The following DACT1 variants were observed in gnomAD, a reference collection of about 807,000 sequenced individuals.
The protein encoded by DACT1 is dishevelled binding antagonist of beta catenin 1, also known as dapper homolog 1.
In DACT1, 19 loss-of-function variants were observed where a neutral mutation model predicts 35.3. That is an observed-to-expected ratio of 0.54 (90% CI 0.38 to 0.79). The LOEUF (loss-of-function observed/expected upper bound fraction) is 0.79. DACT1 is among the 30% of genes least tolerant of loss of function. DACT1 has a pLI of 0.00. For missense variants in DACT1, 1,143 were observed against 1,057.5 expected (o/e 1.08, Z -1.12); for synonymous variants, 545 against 466.7 (o/e 1.17, Z -2.16).
At chr14:58,636,447 A>G (rs897119119), upstream of DACT1, among the ~76,000 whole-genome samples, 10 of 152,200 alleles carry the variant, frequency 6.6e-5, 1 homozygote, top group Non-Finnish European at 1.5e-4. Context: ...AGCTTTCATA[A>G]TGTAGATGGA....
At position 58,647,282 on chromosome 14, in the gene DACT1, C is replaced by A; in HGVS notation, c.*148C>A. 1 of 913,468 alleles carries A rather than the reference C, an allele frequency of 1.1e-6. No homozygotes were observed. The highest frequency in any genetic ancestry group is 1.6e-6 in the Non-Finnish European group (1 of 607,354). The allele number at this position is 913,468 out of a possible 1,614,324, so 56.6% of individuals were successfully genotyped here. Reference sequence around the variant, plus strand: ...AAACCAAGGTAAATTATTGTTTCATCTTCACGTATGGATGCTAGTGCCTTT... The same window carrying A: ...AAACCAAGGTAAATTATTGTTTCATATTCACGTATGGATGCTAGTGCCTTT... On this transcript the variant is annotated 3_prime_UTR_variant, in exon 4 of 4. Coordinates refer to ENST00000395153, the MANE Select transcript of DACT1 (RefSeq NM_001079520.2).
rs2047590229 is a variant in DACT1, at chr14:58,638,108, G to T, written c.-95G>T. On this transcript the variant is annotated 5_prime_UTR_variant, in exon 1 of 4. Transcript: ENST00000395153. ...CCAGCGCCGCGCCCCGCCACAGGGCGGCATGAGCCCACCCGCGGCCGCAGC... is the reference window on the plus strand; with the variant it reads ...CCAGCGCCGCGCCCCGCCACAGGGCTGCATGAGCCCACCCGCGGCCGCAGC... The T allele has an allele frequency of 8.4e-7, 1 of 1,186,674 alleles. No homozygotes were observed. The highest frequency in any genetic ancestry group is 4.0e-5 in the South Asian group (1 of 25,154). 73.5% of individuals were successfully genotyped at this position (1,186,674 alleles called of 1,614,324 possible). A position where few individuals can be genotyped will look rare whatever the true frequency, so the allele number is the denominator to read the frequency against.
chr14:58,637,945 G>T (rs1045259305), upstream of DACT1: 39 of 210,302 alleles, frequency 1.9e-4, no homozygotes, highest in Admixed American at 2.1e-3. Flanking sequence ...CGCGCGTGAC[G>T]TAGCGCCGGG....
In DACT1 at chr14:58,641,734, C is replaced by T. The variant is rs144708680; in HGVS notation, c.621C>T (p.Cys207=). The part of the protein sequence containing the change: ...LEATLSLSDG[C]PKSADVNPKY... ...CGACCTTGAGTCTCTCAGATGGTTGCCCCAAATCTGCAGGTAAGAATTTTT... is the reference window on the plus strand; with the variant it reads ...CGACCTTGAGTCTCTCAGATGGTTGTCCCAAATCTGCAGGTAAGAATTTTT... The change falls in exon 3 of 4, where the codon TGC becomes TGT. Residue 207 remains cysteine, a synonymous_variant. Transcript: ENST00000395153. 224 of 1,613,138 alleles carry T rather than the reference C, an allele frequency of 1.4e-4. No homozygotes were observed. Among genetic ancestry groups the T allele is most frequent in the Non-Finnish European group, 1.8e-4 (208 of 1,179,868 alleles).
chr14:58,634,542 CTGGCT>C (rs2047561826), upstream of DACT1, among the ~76,000 whole-genome samples: 1 of 152,174 alleles, frequency 6.6e-6, no homozygotes. Context: ...GCTTTGATGT[CTGGCT>C]GGGGCTTTGA....
At position 58,647,887 on chromosome 14, in the gene DACT1, T is replaced by A. The variant is rs1399368878; in HGVS notation, c.*753T>A. 1 of 167,100 alleles carries A rather than the reference T, an allele frequency of 6.0e-6. No homozygotes were observed. The highest frequency in any genetic ancestry group is 1.5e-5 in the Non-Finnish European group (1 of 68,134). 10.4% of individuals were successfully genotyped at this position (167,100 alleles called of 1,614,324 possible). A position where few individuals can be genotyped will look rare whatever the true frequency, so the allele number is the denominator to read the frequency against. ...TCCAACCTTTCATTCCTTGGAGGAT[T>A]TAGTTTTGGGATAAAATTTTGGTCC... On this transcript the variant is annotated 3_prime_UTR_variant, in exon 4 of 4. Coordinates refer to ENST00000395153, the MANE Select transcript of DACT1 (RefSeq NM_001079520.2).
At position 58,645,731 on chromosome 14, in the gene DACT1, C is replaced by A; in HGVS notation, c.997C>A (p.Leu333Ile). 1 of 1,614,246 alleles carries A rather than the reference C, an allele frequency of 6.2e-7. No individual in the cohort carries two copies. Among genetic ancestry groups the A allele is most frequent in the Non-Finnish European group, 8.5e-7 (1 of 1,180,050 alleles). Residue 333 changes from leucine to isoleucine, a missense_variant, in exon 4 of 4, where the codon CTT becomes ATT. By Grantham distance (5) the Leu-to-Ile change is conservative. This residue lies in a region of DACT1 where 1,054 missense variants were observed against 958.8 expected (regional missense o/e 1.10). Transcript: ENST00000395153. ...TSVNADPTKG[L>I]LRNGSVCVRA... ...CGTGAACGCTGACCCCACGAAAGGG[C>A]TTCTGAGGAACGGGAGCGTTTGTGT... is the stretch of plus-strand genomic sequence containing the variant.
At position 58,645,416 on chromosome 14, in the gene DACT1, G is replaced by C. The variant is rs2047663768; in HGVS notation, c.682G>C (p.Asp228His). The change falls in exon 4 of 4, where the codon GAT becomes CAT. Residue 228 changes from aspartate (D) to histidine (H), a missense_variant. By Grantham distance (81) the Asp-to-His change is moderately conservative. This residue lies in a region of DACT1 where 1,054 missense variants were observed against 958.8 expected (regional missense o/e 1.10). Transcript: ENST00000395153. ...QCDLVSKNGNDVYRYPSPLHA... is the reference protein window; with the variant it reads ...QCDLVSKNGNHVYRYPSPLHA... ...TGATCTGGTGTCTAAAAACGGGAAT[G>C]ATGTATATCGCTATCCCAGTCCACT... is the stretch of plus-strand genomic sequence containing the variant. 2 of 1,614,218 alleles carry C rather than the reference G, an allele frequency of 1.2e-6. No homozygotes were observed. The highest frequency in any genetic ancestry group is 3.3e-5 in the Admixed American group (2 of 60,016).
intron 1 of DACT1, chr14:58,638,891 C>A: frequency 1.9e-6 from 2 of 1,039,688 alleles, no homozygotes; most frequent in Non-Finnish European, 2.3e-6. Context: ...TATGCCCTCT[C>A]CCCAGCGGTT....
At position 58,638,513 on chromosome 14, in the gene DACT1, TGGA is replaced by T. The variant is rs759360093; in HGVS notation, c.316_318del (p.Glu106del). The T allele has an allele frequency of 3.0e-6, 4 of 1,351,674 alleles. No individual in the cohort carries two copies. The highest frequency in any genetic ancestry group is 1.5e-5 in the African/African-American group (1 of 66,700). The allele number at this position is 1,351,674 out of a possible 1,614,324, so 83.7% of individuals were successfully genotyped here. ...CGCAGTCGCCTGGAGGAGAAGTTCT[TGGA>T]GGAGAACATCTTGCTGCTAAGAAAG... On this transcript the variant is annotated inframe_deletion, in exon 1 of 4. Transcript: ENST00000395153.
chr14:58,638,444 C>G lies in DACT1; in HGVS notation c.242C>G (p.Ala81Gly). The G allele has an allele frequency of 7.5e-7, 1 of 1,340,070 alleles. No individual in the cohort carries two copies. The allele number at this position is 1,340,070 out of a possible 1,614,324, so 83.0% of individuals were successfully genotyped here. A position where few individuals can be genotyped will look rare whatever the true frequency, so the allele number is the denominator to read the frequency against. Reference protein sequence around the residue: ...GALRGAGGAGAAAPRAGELLG... With the variant: ...GALRGAGGAGGAAPRAGELLG... ...CTGCGCGGCGCCGGGGGTGCGGGAG[C>G]CGCTGCGCCCCGCGCTGGGGAGCTA... The change falls in exon 1 of 4, where the codon GCC (alanine) becomes GGC (glycine). Residue 81 changes from alanine to glycine, a missense_variant. Transcript: ENST00000395153.
intron 3 of DACT1, 27 bp downstream of exon 3, chr14:58,641,774 T>A: frequency 6.2e-7 from 1 of 1,609,380 alleles, no homozygotes; most frequent in Non-Finnish European, 8.5e-7. Context: ...CTGATAGAAA[T>A]TTTTAATTGG....
Position 58,645,398 on chromosome 14 carries a change from G to C in DACT1, c.664G>C (p.Val222Leu). The C allele has an allele frequency of 6.2e-7, 1 of 1,614,208 alleles. No individual in the cohort carries two copies. Among genetic ancestry groups the C allele is most frequent in the Non-Finnish European group, 8.5e-7 (1 of 1,180,042 alleles). Residue 222 changes from valine (V) to leucine (L), a missense_variant, in exon 4 of 4, where the codon GTG becomes CTG. By Grantham distance (32) the Val-to-Leu change is conservative (BLOSUM62 1). Around this residue, in one of 3 missense-constraint regions of DACT1, gnomAD observed 1,054 missense variants for 958.8 expected, o/e 1.10. Transcript: ENST00000395153. The part of the protein sequence containing the change: ...DVNPKYQCDL[V>L]SKNGNDVYRY... Reference sequence around the variant, plus strand: ...GAATCCCAAGTACCAGTGTGATCTGGTGTCTAAAAACGGGAATGATGTATA... The same window carrying C: ...GAATCCCAAGTACCAGTGTGATCTGCTGTCTAAAAACGGGAATGATGTATA...
chr14:58,647,149 G>A lies in DACT1; in HGVS notation c.*15G>A. 6.3e-7 allele frequency: 1 copy of A among 1,596,640 alleles called. No individual in the cohort carries two copies. The highest frequency in any genetic ancestry group is 2.2e-5 in the East Asian group (1 of 44,792). ...CGACGGTTTGAGTGACATCATTGGT[G>A]TAGAAAGTTTGTGTGTTTTTTTTTC... On this transcript the variant is annotated 3_prime_UTR_variant, in exon 4 of 4. Coordinates refer to ENST00000395153, the MANE Select transcript of DACT1 (RefSeq NM_001079520.2).
Position 58,638,534 on chromosome 14 carries a change from T to G in DACT1, c.332T>G (p.Leu111Arg). 7.4e-7 allele frequency: 1 copy of G among 1,342,380 alleles called. No homozygotes were observed. Among genetic ancestry groups the G allele is most frequent in the Non-Finnish European group, 9.6e-7 (1 of 1,039,694 alleles). 83.2% of individuals were successfully genotyped at this position (1,342,380 alleles called of 1,614,324 possible). ...EKFLEENILL[L>R]RKQLNCLRRR... ...TTCTTGGAGGAGAACATCTTGCTGCTAAGAAAGCAATTGGTAGGTCGTGCC... is the reference window on the plus strand; with the variant it reads ...TTCTTGGAGGAGAACATCTTGCTGCGAAGAAAGCAATTGGTAGGTCGTGCC... Residue 111 changes from leucine to arginine, a missense_variant, in exon 1 of 4, where the codon CTA (leucine) becomes CGA (arginine). Leu to Arg is a moderately radical substitution (Grantham distance 102). Transcript: ENST00000395153.
chr14:58,635,544 C>G (rs2047567634), upstream of DACT1, among the ~76,000 whole-genome samples: 1 of 152,122 alleles, frequency 6.6e-6, no homozygotes, highest in Non-Finnish European at 1.5e-5. Flanking sequence ...TATTCGTGAC[C>G]ATTTTATTGG....
Position 58,640,829 on chromosome 14 carries a change from T to C in DACT1, c.439T>C (p.Ser147Pro). The C allele has an allele frequency of 6.2e-7, 1 of 1,614,156 alleles. No homozygotes were observed. The highest frequency in any genetic ancestry group is 8.5e-7 in the Non-Finnish European group (1 of 1,180,028). ...SDLRLDVEKTSEEHLETDSRP... is the reference protein window; with the variant it reads ...SDLRLDVEKTPEEHLETDSRP... ...CCTGAGACTGGATGTAGAAAAGACA[T>C]CTGAAGAGCACCTGGAGACAGACAG... The change falls in exon 2 of 4, where the codon TCT becomes CCT. Residue 147 changes from serine to proline, a missense_variant. Coordinates refer to ENST00000395153, the MANE Select transcript of DACT1 (RefSeq NM_001079520.2).
chr14:58,645,472 T>A lies in DACT1; in HGVS notation c.738T>A (p.Phe246Leu). 1 of 1,614,152 alleles carries A rather than the reference T, an allele frequency of 6.2e-7. No homozygotes were observed. The highest frequency in any genetic ancestry group is 8.5e-7 in the Non-Finnish European group (1 of 1,180,020). The change falls in exon 4 of 4, where the codon TTT (phenylalanine) becomes TTA (leucine). Residue 246 changes from phenylalanine (F) to leucine (L), a missense_variant. Phe to Leu is a conservative substitution (Grantham distance 22). Around this residue, in one of 3 missense-constraint regions of DACT1, gnomAD observed 1,054 missense variants for 958.8 expected, o/e 1.10. Coordinates refer to ENST00000395153, the MANE Select transcript of DACT1 (RefSeq NM_001079520.2). ...CTGTGGCTGTGCAGAGCCCAATGTT[T>A]CTCCTTTGTCTGACGGGCAACCCTC... ...LHAVAVQSPM[F>L]LLCLTGNPLR...
At chr14:58,637,961 C>T, upstream of DACT1, 1 of 241,260 alleles carries the variant, frequency 4.1e-6, no homozygotes, top group Non-Finnish European at 7.7e-6. Context: ...CCGGGCAGGG[C>T]GTTATCAGCT....
Sources: allele counts gnomAD v4.1 joint callset (sites outside exome capture counted in the v4.1 genomes callset), GRCh38; gene constraint gnomAD v4.1.1; regional missense constraint gnomAD v4.1.1; transcripts MANE v1.5; gene names NCBI Gene and HGNC (gene_info 2026-07-23, HGNC 2026-07-21).